Variants in ZFHX3 observed in about 807,000 individuals in gnomAD.
ZFHX3 encodes the protein zinc finger homeobox 3.
Under a neutral mutation model 279.1 loss-of-function variants are expected in ZFHX3, and 42 were observed. The ratio of observed to expected loss-of-function variants is 0.15; its 90% CI spans 0.12 to 0.19. The LOEUF (loss-of-function observed/expected upper bound fraction) is 0.19. ZFHX3 is among the 10% of genes least tolerant of loss of function. ZFHX3 has a pLI of 1.00. For missense variants in ZFHX3, 4,981 were observed against 4,754.0 expected, an observed-to-expected ratio of 1.05 and a Z score of -1.40; for synonymous variants, 2,293 against 1,957.8, an observed-to-expected ratio of 1.17 and a Z score of -4.52.
chr16:72,986,198 C>G (rs925162628), intron 1 of ZFHX3, among the ~76,000 whole-genome samples: 3 of 152,094 alleles, frequency 2.0e-5, no homozygotes, highest in African/African-American at 7.2e-5. Flanking sequence ...TGTCCTTCTC[C>G]ACCCTCACCC....
At chr16:73,731,833 T>C (rs1597086548) in intron 1 of ZFHX3, among the ~76,000 whole-genome samples, 1 of 152,186 alleles carries the variant, frequency 6.6e-6, no homozygotes, top group African/African-American at 2.4e-5. Context: ...GCTTTCTTCA[T>C]AGAAGGACTG....
At chr16:73,030,784 C>A (rs1303137957) in intron 1 of ZFHX3, among the ~76,000 whole-genome samples, 1 of 152,198 alleles carries the variant, frequency 6.6e-6, no homozygotes, top group African/African-American at 2.4e-5. Context: ...TTGGAGTTAA[C>A]CTGCCTCCCT....
In ZFHX3 at chr16:73,634,665, A is replaced by C. The variant is rs187761001; in HGVS notation, c.-1547+45515T>G. Among the ~76,000 whole-genome samples the C allele has an allele frequency of 1.2e-3, 178 of 152,128 alleles. 1 individual carries two copies. Among genetic ancestry groups the C allele is most frequent in the African/African-American group, 4.0e-3 (165 of 41,494 alleles). On this transcript the variant is annotated intron_variant, in intron 2 of 17. Coordinates refer to the ZFHX3 transcript ENST00000641206. ...CTTCTTCATAGTGTCTCTTGAGGACAGCCAACAGAAGGGGCCTACAGTATA... is the reference window on the plus strand; with the variant it reads ...CTTCTTCATAGTGTCTCTTGAGGACCGCCAACAGAAGGGGCCTACAGTATA...
chr16:73,879,822 C>A (rs2142410886), intron 1 of ZFHX3, among the ~76,000 whole-genome samples: 1 of 152,022 alleles, frequency 6.6e-6, no homozygotes, highest in South Asian at 2.1e-4. Flanking sequence ...GCCACTGGCG[C>A]ACCCACACAC....
rs1451514655 is a variant in ZFHX3, at chr16:72,788,679, C to T, written c.9597G>A (p.Gln3199=). 1.9e-6 allele frequency: 3 copies of T among 1,613,352 alleles called. No individual in the cohort carries two copies. The highest frequency in any genetic ancestry group is 2.2e-5 in the South Asian group (2 of 90,942). The change falls in exon 10 of 10, where the codon CAG becomes CAA. Residue 3199 remains glutamine, a synonymous_variant. Coordinates refer to ENST00000268489, the MANE Select transcript of ZFHX3 (RefSeq NM_006885.4). ...AMGPQQPPQQ[Q]QQQQQPQVQQ... ...GCACCTGTGGTTGCTGCTGCTGCTG[C>T]TGCTGCTGGGGGGGTTGCTGAGGGC...
chr16:73,562,779 C>T (rs825694), intron 2 of ZFHX3, among the ~76,000 whole-genome samples: 105,741 of 151,740 alleles, frequency 0.7, 37,823 homozygotes, highest in African/African-American at 0.84. Flanking sequence ...AATCAAATGT[C>T]CCCATGTTTT....
At chr16:73,797,539 A>T (rs1960029561) in intron 1 of ZFHX3, among the ~76,000 whole-genome samples, 1 of 152,184 alleles carries the variant, frequency 6.6e-6, no homozygotes, top group Non-Finnish European at 1.5e-5. Flanking sequence ...TGGAAATTAT[A>T]AATCTGTGAT....
chr16:73,483,960 A>G (rs1238711511), intron 2 of ZFHX3, among the ~76,000 whole-genome samples: 4 of 117,588 alleles, frequency 3.4e-5, no homozygotes, highest in Non-Finnish European at 6.8e-5. Flanking sequence ...TAATTTCTGC[A>G]TTGTGTTGTT....
rs74866429 is a variant in ZFHX3 at position 72,927,532 on chromosome 16, C to T, written c.3216+22937G>A. ...CTCACAAAAGGAGGATTTGGGGGAA[C>T]GTTCAGCCACCGATGCCCTCAATAA... On this transcript the variant is annotated intron_variant, in intron 3 of 9. Coordinates refer to ENST00000268489, the MANE Select transcript of ZFHX3 (RefSeq NM_006885.4). Among the ~76,000 whole-genome samples the T allele has an allele frequency of 1.0e-2, 1,517 of 152,274 alleles. 41 individuals are homozygous for T. The highest frequency in any genetic ancestry group is 0.037 in the East Asian group (191 of 5,166).
Position 73,507,455 on chromosome 16 carries a change from C to A in ZFHX3, c.-1546-51197G>T, listed in dbSNP as rs189875364. Among the ~76,000 whole-genome samples the A allele has an allele frequency of 8.2e-4, 122 of 148,288 alleles. 1 individual carries two copies. Among genetic ancestry groups the A allele is most frequent in the Middle Eastern group, 3.6e-3 (1 of 276 alleles). On this transcript the variant is annotated intron_variant, in intron 2 of 17. Coordinates refer to the ZFHX3 transcript ENST00000641206. ...AGTGGAAAGTGTACTGGAGTCTGTA[C>A]CAGAAAATGCGTGAAATTCAGCTCT...
At chr16:73,409,984 G>A (rs2143456964) in intron 3 of ZFHX3, among the ~76,000 whole-genome samples, 1 of 152,156 alleles carries the variant, frequency 6.6e-6, no homozygotes, top group East Asian at 1.9e-4. Context: ...GTAGTGGGTG[G>A]GGCAGGGGGG....
intron 3 of ZFHX3, among the ~76,000 whole-genome samples, chr16:73,322,584 C>A (rs547770678): frequency 5.9e-4 from 90 of 152,234 alleles, no homozygotes; most frequent in African/African-American, 2.0e-3. Context: ...TCCCCAATAG[C>A]CCTTGGCTTG....
chr16:73,531,080 G>A (rs2019792726), intron 2 of ZFHX3, among the ~76,000 whole-genome samples: 2 of 152,144 alleles, frequency 1.3e-5, no homozygotes, highest in African/African-American at 2.4e-5. Flanking sequence ...ACTATTTGTT[G>A]GGAAACTTAC....
intron 3 of ZFHX3, among the ~76,000 whole-genome samples, chr16:73,325,990 G>A (rs2015680850): frequency 6.6e-6 from 1 of 150,962 alleles, no homozygotes; most frequent in African/African-American, 2.5e-5. Context: ...AGGCTATATC[G>A]TGAGAGCCTC....
At chr16:73,117,801 A>T (rs1369481975) in intron 7 of ZFHX3, among the ~76,000 whole-genome samples, 1 of 152,190 alleles carries the variant, frequency 6.6e-6, no homozygotes, top group Non-Finnish European at 1.5e-5. Context: ...TAGTGCCCTT[A>T]TAAAAAAGGC....
intron 2 of ZFHX3, among the ~76,000 whole-genome samples, chr16:73,509,821 G>T (rs1232182040): frequency 6.6e-6 from 1 of 151,290 alleles, no homozygotes; most frequent in African/African-American, 2.4e-5. Context: ...TCAGCCTCCC[G>T]AGTAGCTGGG....
intron 7 of ZFHX3, chr16:73,127,213 C>T (rs975372742): frequency 4.9e-6 from 3 of 613,660 alleles, no homozygotes; most frequent in South Asian, 3.8e-5. Flanking sequence ...AGCAGTCGTG[C>T]GTGAGCTGTT....
intron 3 of ZFHX3, among the ~76,000 whole-genome samples, chr16:73,391,042 C>T (rs1257008374): frequency 1.3e-5 from 2 of 151,870 alleles, no homozygotes; most frequent in Non-Finnish European, 2.9e-5. Flanking sequence ...GACAGTGAGT[C>T]AGGGCCTGTA....
intron 2 of ZFHX3, among the ~76,000 whole-genome samples, chr16:73,478,264 C>CAAAA (rs1162656010): frequency 6.5e-5 from 4 of 61,578 alleles, no homozygotes; most frequent in Middle Eastern, 9.6e-3. Flanking sequence ...GACTCCATCT[C>CAAAA]AAAAAAAAAA....
Sources: gnomAD v4.1 joint callset for allele counts (sites outside exome capture counted in the v4.1 genomes callset) on GRCh38, gnomAD v4.1.1 for gene constraint, MANE v1.5 for transcripts, NCBI Gene and HGNC (gene_info 2026-07-23, HGNC 2026-07-21) for gene names.